Variants in OXR1 observed in about 807,000 individuals in gnomAD.
OXR1 encodes oxidation resistance 1.
In OXR1, 41 loss-of-function variants were observed where a neutral mutation model predicts 104.6. The observed-to-expected ratio is 0.39, with a 90% CI of 0.31 to 0.51. The LOEUF (loss-of-function observed/expected upper bound fraction) is 0.51, where lower values mean the gene tolerates loss of function less well. OXR1 is among the 20% of genes least tolerant of loss of function. OXR1 has a pLI of 0.77. For missense variants in OXR1, 955 were observed against 1,031.9 expected, an observed-to-expected ratio of 0.93 and a Z score of 1.02; for synonymous variants, 348 against 348.4, an observed-to-expected ratio of 1.00 and a Z score of 0.01.
chr8:106,674,775 T>A (rs1827394425), intron 3 of OXR1, among the ~76,000 whole-genome samples: 1 of 152,142 alleles, frequency 6.6e-6, no homozygotes, highest in Non-Finnish European at 1.5e-5. Flanking sequence ...TGAGATGTGA[T>A]GGTTTTATAA....
intron 1 of OXR1, among the ~76,000 whole-genome samples, chr8:106,316,721 T>TATCTATCTATC (rs1563713945): frequency 0.089 from 3,058 of 34,170 alleles, 51 homozygotes; most frequent in East Asian, 0.12. Flanking sequence ...ATCTATCATC[T>TATCTATCTATC]ATCTATCTAT....
chr8:106,478,881 A>G (rs974785733), intron 2 of OXR1, among the ~76,000 whole-genome samples: 3 of 151,938 alleles, frequency 2.0e-5, no homozygotes, highest in African/African-American at 7.2e-5. Context: ...ATATACGTAT[A>G]TGTGATTGTG....
intron 2 of OXR1, among the ~76,000 whole-genome samples, chr8:106,486,635 C>T (rs1458294011): frequency 6.6e-6 from 1 of 151,944 alleles, no homozygotes; most frequent in East Asian, 1.9e-4. Context: ...GTTAAGTTGC[C>T]TGAAACTGTG....
At chr8:106,669,200 T>TA (rs200458726) in intron 3 of OXR1, among the ~76,000 whole-genome samples, 2,327 of 151,260 alleles carry the variant, frequency 0.015, 32 homozygotes, top group Admixed American at 0.047. Flanking sequence ...AGAGATCAGA[T>TA]AAAAAAAAAG....
chr8:106,633,025 G>T (rs1010733724), intron 3 of OXR1, among the ~76,000 whole-genome samples: 1 of 152,010 alleles, frequency 6.6e-6, no homozygotes, highest in Non-Finnish European at 1.5e-5. Flanking sequence ...CACAAGCTCA[G>T]GAGTTCAAGA....
intron 1 of OXR1, among the ~76,000 whole-genome samples, chr8:106,301,236 G>A (rs1813225513): frequency 6.6e-6 from 1 of 152,090 alleles, no homozygotes; most frequent in African/African-American, 2.4e-5. Flanking sequence ...AAATTTTGCA[G>A]TCACTTTATA....
intron 1 of OXR1, among the ~76,000 whole-genome samples, chr8:106,344,483 G>A (rs1404932349): frequency 2.0e-5 from 3 of 152,076 alleles, no homozygotes; most frequent in African/African-American, 4.8e-5. Context: ...GACTACAGGC[G>A]CGTGCCACCA....
At chr8:106,296,038 A>T (rs1661393366) in intron 1 of OXR1, among the ~76,000 whole-genome samples, 1 of 152,134 alleles carries the variant, frequency 6.6e-6, no homozygotes, top group African/African-American at 2.4e-5. Flanking sequence ...TCAATTCTTG[A>T]AATTGTTCCT....
At chr8:106,719,362 A>G (rs980139547) in intron 11 of OXR1, among the ~76,000 whole-genome samples, 2 of 152,262 alleles carry the variant, frequency 1.3e-5, no homozygotes, top group African/African-American at 4.8e-5. Context: ...TAAAAGATTA[A>G]TAGTAAAACA....
At chr8:106,553,854 C>T (rs2130436496) in intron 3 of OXR1, among the ~76,000 whole-genome samples, 1 of 152,242 alleles carries the variant, frequency 6.6e-6, no homozygotes, top group Non-Finnish European at 1.5e-5. Context: ...TACTTTCTTA[C>T]CCATTACCTT....
At chr8:106,275,735 A>G (rs561796710) in intron 1 of OXR1, among the ~76,000 whole-genome samples, 1 of 152,328 alleles carries the variant, frequency 6.6e-6, no homozygotes, top group South Asian at 2.1e-4. Flanking sequence ...GGGTCATGTG[A>G]GAATTTTATC....
chr8:106,732,041 T>C (rs2131527883), intron 11 of OXR1, among the ~76,000 whole-genome samples: 1 of 152,306 alleles, frequency 6.6e-6, no homozygotes, highest in Non-Finnish European at 1.5e-5. Flanking sequence ...ATGTGGGATA[T>C]GTATTTAAAT....
At chr8:106,304,378 T>C (rs1813388584) in intron 1 of OXR1, among the ~76,000 whole-genome samples, 1 of 152,188 alleles carries the variant, frequency 6.6e-6, no homozygotes, top group Non-Finnish European at 1.5e-5. Flanking sequence ...GTTGGACATA[T>C]CATTGTGCAT....
chr8:106,536,618 T>G (rs1814558982), intron 3 of OXR1, among the ~76,000 whole-genome samples: 1 of 152,178 alleles, frequency 6.6e-6, no homozygotes, highest in African/African-American at 2.4e-5. Context: ...ATTTTATTTT[T>G]TAAATTTTTT....
chr8:106,325,437 T>G (rs1408022881), intron 1 of OXR1, among the ~76,000 whole-genome samples: 1 of 152,186 alleles, frequency 6.6e-6, no homozygotes, highest in Non-Finnish European at 1.5e-5. Flanking sequence ...ATTTCCTAGT[T>G]TTTTTATCCC....
Position 106,382,553 on chromosome 8 carries a change from G to C in OXR1, c.23+22917G>C, listed in dbSNP as rs537163147. ...GCATTTTTGCGCTTGTTAGGACCTA[G>C]GCTTCCTGCTTGGTGTGGACCCTGA... On this transcript the variant is annotated intron_variant, in intron 2 of 16. Transcript: ENST00000517566. Among the ~76,000 whole-genome samples the C allele has an allele frequency of 4.6e-5, 7 of 152,152 alleles. No individual in the cohort carries two copies. The East Asian group carries it at 1.4e-3, about 29-fold the overall frequency.
intron 3 of OXR1, among the ~76,000 whole-genome samples, chr8:106,606,229 C>T (rs899561137): frequency 2.0e-5 from 3 of 152,220 alleles, no homozygotes; most frequent in Non-Finnish European, 2.9e-5. Context: ...GGCCACCTAC[C>T]ATCGTCAAAG....
intron 3 of OXR1, among the ~76,000 whole-genome samples, chr8:106,605,865 A>C (rs1586885414): frequency 6.6e-6 from 1 of 151,876 alleles, no homozygotes; most frequent in East Asian, 1.9e-4. Flanking sequence ...GATATCTCCC[A>C]CTTCCTACTT....
intron 3 of OXR1, among the ~76,000 whole-genome samples, chr8:106,658,783 A>G (rs1169888704): frequency 6.6e-6 from 1 of 152,062 alleles, no homozygotes; most frequent in Non-Finnish European, 1.5e-5. Context: ...GTTCCTGTTT[A>G]TTTTGTGTTG....
Sources: allele counts gnomAD v4.1 joint callset (sites outside exome capture counted in the v4.1 genomes callset), GRCh38; gene constraint gnomAD v4.1.1; transcripts MANE v1.5; gene names NCBI Gene and HGNC (gene_info 2026-07-23, HGNC 2026-07-21).